Variants in EXPH5 observed in about 807,000 individuals in gnomAD.
EXPH5 encodes exophilin-5.
A neutral mutation model predicts 41.1 loss-of-function variants in EXPH5; 42 were observed. The ratio of observed to expected loss-of-function variants is 1.02; its 90% CI spans 0.80 to 1.32. The LOEUF (loss-of-function observed/expected upper bound fraction) is 1.32, where lower values mean the gene tolerates loss of function less well. Ranked by LOEUF, EXPH5 falls within the 40% of genes most tolerant of loss-of-function variation. The pLI, the probability that EXPH5 is intolerant of heterozygous loss-of-function variation, is 0.00. For missense variants in EXPH5, 2,298 were observed against 2,314.5 expected (o/e 0.99, Z 0.15); for synonymous variants, 798 against 833.5 (o/e 0.96, Z 0.73).
chr11:108,522,303 A>ATAT (rs921631779), intron 4 of EXPH5, among the ~76,000 whole-genome samples: 1 of 151,982 alleles, frequency 6.6e-6, no homozygotes, highest in South Asian at 2.1e-4. Flanking sequence ...TATGTGTGAG[A>ATAT]TATTATTATT....
chr11:108,596,141 G>A (rs146082979), upstream of EXPH5, among the ~76,000 whole-genome samples: 1,916 of 151,264 alleles, frequency 0.013, 38 homozygotes, highest in African/African-American at 0.044. Flanking sequence ...GTTGCAGTGA[G>A]CCGAGATCAC....
At chr11:108,585,881 A>G (rs934075749) in intron 1 of EXPH5, among the ~76,000 whole-genome samples, 2 of 152,256 alleles carry the variant, frequency 1.3e-5, no homozygotes, top group African/African-American at 4.8e-5. Flanking sequence ...GTAGTAATCC[A>G]TATAATGAAA....
At chr11:108,571,129 G>A (rs2094058572) in intron 1 of EXPH5, among the ~76,000 whole-genome samples, 1 of 152,204 alleles carries the variant, frequency 6.6e-6, no homozygotes, top group African/African-American at 2.4e-5. Context: ...AGCTGTCTGA[G>A]GGTGAGGCCT....
At chr11:108,532,380 T>C (rs1259772694) in intron 3 of EXPH5, among the ~76,000 whole-genome samples, 1 of 58,172 alleles carries the variant, frequency 1.7e-5, no homozygotes, top group African/African-American at 1.1e-4. Flanking sequence ...TTTTTTTTTT[T>C]TTTTTTTTTT....
chr11:108,583,701 C>CA (rs1200928081), intron 1 of EXPH5, among the ~76,000 whole-genome samples: 1 of 150,966 alleles, frequency 6.6e-6, no homozygotes, highest in African/African-American at 2.5e-5. Flanking sequence ...AAGTCATCTA[C>CA]AAAAAAATCA....
chr11:108,538,638 C>A (rs999114506), intron 3 of EXPH5, among the ~76,000 whole-genome samples: 2 of 152,046 alleles, frequency 1.3e-5, no homozygotes, highest in Admixed American at 1.3e-4. Flanking sequence ...ATGACCAGGA[C>A]GTGACCAGGA....
intron 5 of EXPH5, among the ~76,000 whole-genome samples, chr11:108,516,828 G>A (rs1224717060): frequency 6.6e-6 from 1 of 152,118 alleles, no homozygotes; most frequent in Non-Finnish European, 1.5e-5. Context: ...TTTACCCCTA[G>A]GACCTGAAGT....
At chr11:108,522,580 C>T (rs914675046) in intron 4 of EXPH5, among the ~76,000 whole-genome samples, 7 of 152,126 alleles carry the variant, frequency 4.6e-5, no homozygotes, top group Non-Finnish European at 8.8e-5. Context: ...TTTTGCAGCT[C>T]TTGGCTTATT....
At chr11:108,578,452 G>C (rs1180737794) in intron 1 of EXPH5, among the ~76,000 whole-genome samples, 2 of 152,108 alleles carry the variant, frequency 1.3e-5, no homozygotes, top group African/African-American at 4.8e-5. Flanking sequence ...AGTATATTTT[G>C]AAGTCAGGTG....
At chr11:108,549,612 T>A (rs889713421) in intron 1 of EXPH5, among the ~76,000 whole-genome samples, 2 of 152,200 alleles carry the variant, frequency 1.3e-5, no homozygotes, top group African/African-American at 4.8e-5. Context: ...TCCATTTATC[T>A]CCCGGTCATT....
intron 3 of EXPH5, among the ~76,000 whole-genome samples, chr11:108,528,463 A>T (rs1368285170): frequency 6.6e-6 from 1 of 152,210 alleles, no homozygotes; most frequent in Non-Finnish European, 1.5e-5. Flanking sequence ...GACACATAAA[A>T]TATAATAGCT....
upstream of EXPH5, chr11:108,593,883 C>T: frequency 4.0e-6 from 3 of 759,336 alleles, no homozygotes; most frequent in East Asian, 5.3e-5. Flanking sequence ...CCCTCGTCCC[C>T]TCCGGTCACC....
intron 1 of EXPH5, among the ~76,000 whole-genome samples, chr11:108,579,148 T>C (rs2094089635): frequency 6.6e-6 from 1 of 152,142 alleles, no homozygotes; most frequent in Non-Finnish European, 1.5e-5. Context: ...GTCTGTCCTA[T>C]ATTGCTTTGA....
intron 1 of EXPH5, among the ~76,000 whole-genome samples, chr11:108,563,973 G>A (rs1214227395): frequency 6.6e-6 from 1 of 152,062 alleles, no homozygotes; most frequent in Non-Finnish European, 1.5e-5. Context: ...TGTATCCAGT[G>A]GCATTTAAAG....
In EXPH5 at chr11:108,509,253, A is replaced by T; in HGVS notation, c.*284T>A. Reference sequence around the variant, plus strand: ...GGAGGGAAGTAAAGCAGAAAGCCCAAATCAGACAGTGAATCAGGGATTAAG... The same window carrying T: ...GGAGGGAAGTAAAGCAGAAAGCCCATATCAGACAGTGAATCAGGGATTAAG... On this transcript the variant is annotated 3_prime_UTR_variant, in exon 6 of 6. Transcript: ENST00000265843. 3.6e-6 allele frequency: 1 copy of T among 274,344 alleles called. No individual in the cohort carries two copies. Among genetic ancestry groups the T allele is most frequent in the East Asian group, 6.5e-5 (1 of 15,362 alleles). 17.0% of individuals were successfully genotyped at this position (274,344 alleles called of 1,614,324 possible).
At chr11:108,556,620 C>A (rs1326959370) in intron 1 of EXPH5, among the ~76,000 whole-genome samples, 1 of 152,052 alleles carries the variant, frequency 6.6e-6, no homozygotes, top group East Asian at 1.9e-4. Context: ...TTACAGTAGG[C>A]ATGCACAACC....
At chr11:108,520,983 C>A (rs1381993980) in intron 4 of EXPH5, among the ~76,000 whole-genome samples, 1 of 152,184 alleles carries the variant, frequency 6.6e-6, no homozygotes, top group East Asian at 1.9e-4. Flanking sequence ...CCACCCCATG[C>A]CTTCACTTTC....
intron 1 of EXPH5, among the ~76,000 whole-genome samples, chr11:108,582,550 T>A (rs1280366344): frequency 6.6e-6 from 1 of 152,062 alleles, no homozygotes; most frequent in African/African-American, 2.4e-5. Context: ...ACCCTCAATA[T>A]TAGCAAATGT....
At chr11:108,602,894 C>T in the EXPH5 span, among the ~76,000 whole-genome samples, 6 of 152,262 alleles carry the variant, frequency 3.9e-5, no homozygotes, top group South Asian at 6.2e-4. Context: ...ACCCAAATCT[C>T]GTCTCAAATT....
Sources: gnomAD v4.1 joint callset for allele counts (sites outside exome capture counted in the v4.1 genomes callset) on GRCh38, gnomAD v4.1.1 for gene constraint, MANE v1.5 for transcripts, NCBI Gene and HGNC (gene_info 2026-07-23, HGNC 2026-07-21) for gene names.